Variants in SLC14A2 observed in about 807,000 individuals in gnomAD.
SLC14A2 encodes the protein solute carrier family 14 member 2.
SLC14A2 carries 91 observed loss-of-function variants against 104.6 expected under a neutral mutation model. The ratio of observed to expected loss-of-function variants is 0.87; its 90% confidence interval spans 0.73 to 1.04. The LOEUF is 1.04. SLC14A2 is among the 50% of genes least tolerant of loss of function. The probability of loss-of-function intolerance (pLI) is 0.00; values close to 1 mark genes in which losing one functional copy is unlikely to be tolerated. For missense variants in SLC14A2, 1,189 were observed against 1,156.0 expected (o/e 1.03, Z -0.41); for synonymous variants, 476 against 466.4 (o/e 1.02, Z -0.27).
At chr18:45,357,617 G>A (rs9951946) in intron 1 of SLC14A2, among the ~76,000 whole-genome samples, 3,502 of 151,970 alleles carry the variant, frequency 0.023, 125 homozygotes, top group African/African-American at 0.079. Flanking sequence ...GGGGAGGAAG[G>A]AAAAAGAAGA....
At chr18:45,646,460 G>T (rs2045629245) in intron 10 of SLC14A2, 1 of 152,164 alleles carries the variant, frequency 6.6e-6, no homozygotes, top group Non-Finnish European at 1.5e-5. Flanking sequence ...CAGAACCAGA[G>T]ACCCCACTCA....
Position 45,417,155 on chromosome 18 carries a change from G to C in SLC14A2, c.-124-66078G>C, listed in dbSNP as rs147356153. ...TTATTTATCAGCAGAGAGGTTTTCT[G>C]ATCTGTGAAAAGTCACCTTACAAAA... On this transcript the variant is annotated intron_variant, in intron 1 of 20. Transcript: ENST00000586448. Among the ~76,000 whole-genome samples the C allele has an allele frequency of 7.9e-5, 12 of 152,322 alleles. No individual in the cohort carries two copies. The East Asian group carries it at 2.3e-3, about 29-fold the overall frequency.
At position 45,312,520 on chromosome 18, in the gene SLC14A2, T is replaced by C. The variant is rs538410645; in HGVS notation, c.-125+99329T>C. On this transcript the variant is annotated intron_variant, in intron 1 of 20. Transcript: ENST00000586448. ...CTGCTCTTCAGAAAACCTAGCCAAA[T>C]CATCTCAAATACCAGGAAGTGTGGG... Among the ~76,000 whole-genome samples, 5 of 152,230 alleles carry C rather than the reference T, an allele frequency of 3.3e-5. No individual in the cohort carries two copies. The South Asian group carries it at 1.0e-3, about 32-fold the overall frequency.
chr18:45,523,659 C>T (rs35473251), intron 2 of SLC14A2, among the ~76,000 whole-genome samples: 4,462 of 152,058 alleles, frequency 0.029, 91 homozygotes, highest in Non-Finnish European at 0.044. Context: ...TTTAACCCCA[C>T]GAAATCTCCC....
chr18:45,537,634 T>C (rs1417684526), intron 2 of SLC14A2, among the ~76,000 whole-genome samples: 1 of 152,146 alleles, frequency 6.6e-6, no homozygotes, highest in Non-Finnish European at 1.5e-5. Flanking sequence ...GAGGAAGCCA[T>C]TGGTGAATTT....
At chr18:45,388,550 C>T (rs2144404362) in intron 1 of SLC14A2, among the ~76,000 whole-genome samples, 1 of 152,198 alleles carries the variant, frequency 6.6e-6, no homozygotes, top group Non-Finnish European at 1.5e-5. Context: ...CGTCTGTTCT[C>T]TTCAGTGCCC....
rs142284707 is a variant in SLC14A2 at position 45,489,340 on chromosome 18, G to A, written c.-35+6018G>A. On this transcript the variant is annotated intron_variant, in intron 2 of 20. Transcript: ENST00000586448. ...AGCCTGGCCAACATAGGGAAAACCT[G>A]TCTCTACTAAAAATACAAAAACTAT... Among the ~76,000 whole-genome samples, 1,049 of 152,186 alleles carry A rather than the reference G, an allele frequency of 6.9e-3. 3 individuals are homozygous for A. The highest frequency in any genetic ancestry group is 0.014 in the Middle Eastern group (4 of 294).
intron 1 of SLC14A2, among the ~76,000 whole-genome samples, chr18:45,244,887 C>A (rs2084353936): frequency 6.6e-6 from 1 of 152,230 alleles, no homozygotes; most frequent in Admixed American, 6.5e-5. Context: ...TCTGTCTATT[C>A]ATCCATCCAT....
intron 1 of SLC14A2, among the ~76,000 whole-genome samples, chr18:45,351,473 G>GC (rs2085503157): frequency 6.6e-6 from 1 of 152,044 alleles, no homozygotes; most frequent in African/African-American, 2.4e-5. Context: ...TCCTGCCTGA[G>GC]CCCCCCAAGT....
rs73952821 is a variant in SLC14A2, at chr18:45,267,018, A to G, written c.-125+53827A>G. 5.3e-3 allele frequency among the ~76,000 whole-genome samples: 814 copies of G among 152,280 alleles called. 7 individuals are homozygous for G. The highest frequency in any genetic ancestry group is 0.018 in the African/African-American group (758 of 41,566). Reference sequence around the variant, plus strand: ...CAAACCATGTGTACATTAATGTGGAAGCTTTTATGGGCACTGGGAGGTTCT... The same window carrying G: ...CAAACCATGTGTACATTAATGTGGAGGCTTTTATGGGCACTGGGAGGTTCT... On this transcript the variant is annotated intron_variant, in intron 1 of 20. Coordinates refer to the SLC14A2 transcript ENST00000586448.
At chr18:45,247,541 C>T (rs1434856894) in intron 1 of SLC14A2, among the ~76,000 whole-genome samples, 2 of 152,134 alleles carry the variant, frequency 1.3e-5, no homozygotes, top group African/African-American at 2.4e-5. Context: ...ACATATATAA[C>T]TCTGTCTATT....
chr18:45,243,808 G>A (rs1044391545), intron 1 of SLC14A2, among the ~76,000 whole-genome samples: 2 of 152,126 alleles, frequency 1.3e-5, no homozygotes, highest in Non-Finnish European at 2.9e-5. Context: ...CTGAATATAC[G>A]TTCATTAATT....
chr18:45,214,153 G>A (rs2083986912), intron 1 of SLC14A2, among the ~76,000 whole-genome samples: 1 of 152,176 alleles, frequency 6.6e-6, no homozygotes, highest in Non-Finnish European at 1.5e-5. Context: ...TAGGAATTCA[G>A]ACAAGAAATA....
intron 1 of SLC14A2, among the ~76,000 whole-genome samples, chr18:45,414,757 A>AAAAAAATATATATATATAT (rs1360051908): frequency 1.3e-5 from 1 of 76,108 alleles, no homozygotes; most frequent in Non-Finnish European, 2.2e-5. Flanking sequence ...AAAAAAAAAA[A>AAAAAAATATATATATATAT]ATATATATAT....
At chr18:45,344,287 C>T (rs944277960) in intron 1 of SLC14A2, among the ~76,000 whole-genome samples, 1 of 152,130 alleles carries the variant, frequency 6.6e-6, no homozygotes, top group Non-Finnish European at 1.5e-5. Context: ...AATTCTGACA[C>T]TACCTGAAGT....
intron 2 of SLC14A2, among the ~76,000 whole-genome samples, chr18:45,509,472 CAG>C (rs2043334013): frequency 6.6e-6 from 1 of 152,114 alleles, no homozygotes; most frequent in African/African-American, 2.4e-5. Context: ...TCTCTTTTCT[CAG>C]TAAGCCTCAG....
the SLC14A2 span, among the ~76,000 whole-genome samples, chr18:45,194,142 G>A: frequency 1.3e-5 from 2 of 152,096 alleles, no homozygotes; most frequent in Non-Finnish European, 2.9e-5. Context: ...TATCATCAGT[G>A]AATAAAGATA....
chr18:45,358,909 A>G (rs1420520560), intron 1 of SLC14A2, among the ~76,000 whole-genome samples: 1 of 152,142 alleles, frequency 6.6e-6, no homozygotes, highest in Non-Finnish European at 1.5e-5. Flanking sequence ...ACAATGTATG[A>G]CCAAACCGGT....
intron 1 of SLC14A2, among the ~76,000 whole-genome samples, chr18:45,297,471 G>A (rs1412436803): frequency 6.6e-6 from 1 of 152,206 alleles, no homozygotes; most frequent in African/African-American, 2.4e-5. Context: ...GGCTGGTAAA[G>A]ATGAGTGGGT....
Sources: gnomAD v4.1 joint callset for allele counts (sites outside exome capture counted in the v4.1 genomes callset) on GRCh38, gnomAD v4.1.1 for gene constraint, MANE v1.5 for transcripts, NCBI Gene and HGNC (gene_info 2026-07-23, HGNC 2026-07-21) for gene names.